MAP1B: variants seen among roughly 807,000 people sequenced by gnomAD.
The protein encoded by MAP1B is microtubule-associated protein 1B.
MAP1B carries 12 observed loss-of-function variants against 176.1 expected under a neutral mutation model. The observed-to-expected ratio is 0.07, with a 90% CI of 0.04 to 0.11. The LOEUF (loss-of-function observed/expected upper bound fraction) is 0.11, where lower values mean the gene tolerates loss of function less well. Ranked by LOEUF, MAP1B falls within the 10% of genes least tolerant of loss-of-function variation. The probability of loss-of-function intolerance (pLI) is 1.00; values close to 1 mark genes in which losing one functional copy is unlikely to be tolerated. For missense variants in MAP1B, 2,523 were observed against 2,990.5 expected, an observed-to-expected ratio of 0.84 and a Z score of 3.65; for synonymous variants, 1,044 against 1,135.0, an observed-to-expected ratio of 0.92 and a Z score of 1.61.
At chr5:72,145,533 T>C (rs1746029027) in intron 2 of MAP1B, among the ~76,000 whole-genome samples, 1 of 152,238 alleles carries the variant, frequency 6.6e-6, no homozygotes, top group African/African-American at 2.4e-5. Context: ...GTCATTCTGA[T>C]GGAGAATAAT....
At chr5:72,140,653 G>A (rs1384432328) in intron 2 of MAP1B, among the ~76,000 whole-genome samples, 1 of 152,092 alleles carries the variant, frequency 6.6e-6, no homozygotes. Flanking sequence ...AACGTGGGAG[G>A]AACATGTTAA....
chr5:72,119,911 A>T (rs1745496561), intron 2 of MAP1B, among the ~76,000 whole-genome samples: 1 of 152,174 alleles, frequency 6.6e-6, no homozygotes, highest in Non-Finnish European at 1.5e-5. Context: ...ATCATGTTGG[A>T]TGAGAATCAT....
chr5:72,179,663 C>T, intron 2 of MAP1B: 1 of 985,486 alleles, frequency 1.0e-6, no homozygotes, highest in Non-Finnish European at 1.2e-6. Context: ...GTTACGTCGT[C>T]CCCAGAAAGA....
intron 2 of MAP1B, among the ~76,000 whole-genome samples, chr5:72,133,705 A>G (rs1368708368): frequency 6.6e-6 from 1 of 152,230 alleles, no homozygotes; most frequent in Non-Finnish European, 1.5e-5. Context: ...ATACAAAGAC[A>G]GTCTTAATAA....
At chr5:72,128,408 T>TAAA (rs35834892) in intron 2 of MAP1B, among the ~76,000 whole-genome samples, 4 of 141,164 alleles carry the variant, frequency 2.8e-5, no homozygotes, top group Non-Finnish European at 6.2e-5. Context: ...GATATTGTTT[T>TAAA]AAAAAAAAAA....
chr5:72,128,338 T>C (rs1236132533), intron 2 of MAP1B, among the ~76,000 whole-genome samples: 1 of 150,866 alleles, frequency 6.6e-6, no homozygotes, highest in African/African-American at 2.4e-5. Flanking sequence ...TGTGCTTCAA[T>C]ATAGAACAAG....
chr5:72,151,896 A>T (rs1041797467), intron 2 of MAP1B, among the ~76,000 whole-genome samples: 1 of 152,186 alleles, frequency 6.6e-6, no homozygotes, highest in African/African-American at 2.4e-5. Flanking sequence ...TTATTTTTAG[A>T]TAACTTTAGA....
intron 2 of MAP1B, among the ~76,000 whole-genome samples, chr5:72,138,001 T>A (rs1472728554): frequency 6.6e-6 from 1 of 152,216 alleles, no homozygotes; most frequent in Non-Finnish European, 1.5e-5. Context: ...GTGGCATGAC[T>A]TGTTGCTCTG....
At chr5:72,191,558 T>G (rs1747027252) in intron 4 of MAP1B, among the ~76,000 whole-genome samples, 1 of 152,222 alleles carries the variant, frequency 6.6e-6, no homozygotes, top group East Asian at 1.9e-4. Context: ...TCCAAGGATG[T>G]AGGAGTTGTT....
At chr5:72,111,204 A>G (rs1227907879) in intron 1 of MAP1B, among the ~76,000 whole-genome samples, 1 of 152,172 alleles carries the variant, frequency 6.6e-6, no homozygotes, top group African/African-American at 2.4e-5. Context: ...TAGAGGACAT[A>G]CATCCGTGTC....
At chr5:72,179,908 G>C in intron 2 of MAP1B, 1 of 985,518 alleles carries the variant, frequency 1.0e-6, no homozygotes, top group Non-Finnish European at 1.2e-6. Flanking sequence ...AGGAGTGGAG[G>C]TAAATGGCAA....
At chr5:72,116,148 T>G in intron 2 of MAP1B, 1 of 321,366 alleles carries the variant, frequency 3.1e-6, no homozygotes. Context: ...TGTGTGTATG[T>G]GTATCTCACT....
rs575498451 is a variant in MAP1B at position 72,184,522 on chromosome 5, A to T, written c.369+697A>T. ...ACATAATGACTGAAATGTAAATATT[A>T]GCTGTGATTGTTATTATTACCACCA... is the stretch of plus-strand genomic sequence containing the variant. On this transcript the variant is annotated intron_variant, in intron 3 of 6. Coordinates refer to ENST00000296755, the MANE Select transcript of MAP1B (RefSeq NM_005909.5). Among the ~76,000 whole-genome samples, 7 of 152,360 alleles carry T rather than the reference A, an allele frequency of 4.6e-5. No individual in the cohort carries two copies. In the East Asian group the frequency reaches 1.3e-3, roughly 29 times the overall value.
intron 2 of MAP1B, among the ~76,000 whole-genome samples, chr5:72,175,965 T>A (rs1580008226): frequency 6.6e-6 from 1 of 152,254 alleles, no homozygotes; most frequent in African/African-American, 2.4e-5. Flanking sequence ...TGAGTTTTTT[T>A]ATTCTCTTAA....
chr5:72,179,350 G>A (rs1335491937), intron 2 of MAP1B, among the ~76,000 whole-genome samples: 1 of 152,196 alleles, frequency 6.6e-6, no homozygotes, highest in Non-Finnish European at 1.5e-5. Flanking sequence ...TGGAGAATGC[G>A]GACTACAATG....
chr5:72,139,618 G>A (rs1745905701), intron 2 of MAP1B, among the ~76,000 whole-genome samples: 1 of 152,162 alleles, frequency 6.6e-6, no homozygotes, highest in Admixed American at 6.5e-5. Flanking sequence ...ATAAGTTGCC[G>A]TGACATAAGT....
chr5:72,172,179 T>G (rs761300845), intron 2 of MAP1B, among the ~76,000 whole-genome samples: 13 of 152,190 alleles, frequency 8.5e-5, no homozygotes, highest in Non-Finnish European at 1.5e-4. Context: ...AGCTCAGGTC[T>G]TGAACCTCAT....
intron 1 of MAP1B, 147 bp from the exon 2 acceptor site, chr5:72,115,551 G>A (rs1745417177): frequency 1.6e-6 from 1 of 616,814 alleles, no homozygotes; most frequent in Non-Finnish European, 3.0e-6. Flanking sequence ...CCATTTTGTG[G>A]GCATCCACTG....
At chr5:72,132,630 T>A (rs1745754973) in intron 2 of MAP1B, among the ~76,000 whole-genome samples, 1 of 152,238 alleles carries the variant, frequency 6.6e-6, no homozygotes, top group Non-Finnish European at 1.5e-5. Context: ...CTTTTGTTCA[T>A]TCCACTGGGG....
Sources: allele counts gnomAD v4.1 joint callset (sites outside exome capture counted in the v4.1 genomes callset), GRCh38; gene constraint gnomAD v4.1.1; transcripts MANE v1.5; gene names NCBI Gene and HGNC (gene_info 2026-07-23, HGNC 2026-07-21).